Variants in PARD3 observed in about 807,000 individuals in gnomAD.
PARD3 encodes the protein par-3 family cell polarity regulator, also known as partitioning defective 3 homolog.
Under a neutral mutation model 155.4 loss-of-function variants are expected in PARD3, and 75 were observed. The ratio of observed to expected loss-of-function variants is 0.48; its 90% CI spans 0.40 to 0.58. PARD3 has a LOEUF of 0.58. PARD3 is among the 20% of genes least tolerant of loss of function. The pLI, the probability that PARD3 is intolerant of heterozygous loss-of-function variation, is 0.00. For missense variants in PARD3, 1,642 were observed against 1,721.7 expected, an observed-to-expected ratio of 0.95 and a Z score of 0.82; for synonymous variants, 576 against 610.5, an observed-to-expected ratio of 0.94 and a Z score of 0.83.
chr10:34,623,945 A>C lies in PARD3; in HGVS notation c.222+72373T>G, dbSNP rs190833376. On this transcript the variant is annotated intron_variant, in intron 2 of 24. Transcript: ENST00000374788. Reference sequence around the variant, plus strand: ...GCAGTGAGCTGAGATCTACCACTGCACTCCAGCCTGGGCCACAGAGCAAGA... The same window carrying C: ...GCAGTGAGCTGAGATCTACCACTGCCCTCCAGCCTGGGCCACAGAGCAAGA... Among the ~76,000 whole-genome samples the C allele has an allele frequency of 4.0e-5, 6 of 149,200 alleles. No homozygotes were observed. The East Asian group carries it at 1.2e-3, about 30-fold the overall frequency.
intron 12 of PARD3, among the ~76,000 whole-genome samples, chr10:34,363,629 AAACT>A (rs1271447463): frequency 5.9e-5 from 9 of 152,246 alleles, no homozygotes; most frequent in East Asian, 1.9e-4. Flanking sequence ...TGTAAAATAG[AAACT>A]AACTTTCTAT....
At chr10:34,496,532 G>C (rs1490521817) in intron 3 of PARD3, among the ~76,000 whole-genome samples, 1 of 152,154 alleles carries the variant, frequency 6.6e-6, no homozygotes, top group African/African-American at 2.4e-5. Flanking sequence ...TGAAATCGGA[G>C]TTATATTAAG....
chr10:34,269,822 C>T lies in PARD3; in HGVS notation c.3254G>A (p.Arg1085Gln), dbSNP rs201745976. ...RDYAEIQDFH[R>Q]TFGCDDELMY... ...TAACTCATCATCACAGCCAAATGTCCGATGAAAATCTTGAATTTCAGCATA... is the reference window on the plus strand; with the variant it reads ...TAACTCATCATCACAGCCAAATGTCTGATGAAAATCTTGAATTTCAGCATA... Residue 1085 changes from arginine to glutamine, a missense_variant, in exon 22 of 25, where the codon CGG (arginine) becomes CAG (glutamine). This residue lies in a region of PARD3 where 1,529 missense variants were observed against 1,587.3 expected (regional missense o/e 0.96). Coordinates refer to ENST00000374788, the MANE Select transcript of PARD3 (RefSeq NM_001184785.2). 14 of 1,613,836 alleles carry T rather than the reference C, an allele frequency of 8.7e-6. No homozygotes were observed. Among genetic ancestry groups the T allele is most frequent in the East Asian group, 6.7e-5 (3 of 44,840 alleles).
chr10:34,622,834 T>C (rs1310227884), intron 2 of PARD3, among the ~76,000 whole-genome samples: 2 of 147,508 alleles, frequency 1.4e-5, no homozygotes, highest in Non-Finnish European at 3.0e-5. Context: ...TTTCTTTTTT[T>C]TTTTTTTTTT....
chr10:34,782,220 G>A (rs11009931), intron 1 of PARD3, among the ~76,000 whole-genome samples: 5,642 of 152,252 alleles, frequency 0.037, 357 homozygotes, highest in African/African-American at 0.13. Flanking sequence ...CATGTAACCT[G>A]AACACATTGC....
At chr10:34,396,811 T>C (rs1312197145) in intron 7 of PARD3, among the ~76,000 whole-genome samples, 1 of 152,094 alleles carries the variant, frequency 6.6e-6, no homozygotes, top group Admixed American at 6.6e-5. Flanking sequence ...TCCTTCCTGC[T>C]ATACTACATT....
intron 2 of PARD3, among the ~76,000 whole-genome samples, chr10:34,643,844 C>A (rs1038310670): frequency 6.6e-6 from 1 of 152,122 alleles, no homozygotes; most frequent in East Asian, 1.9e-4. Context: ...TTGAGCCCAG[C>A]AGGTGGAGGC....
At chr10:34,325,312 C>T (rs1307039137) in intron 19 of PARD3, among the ~76,000 whole-genome samples, 2 of 152,070 alleles carry the variant, frequency 1.3e-5, no homozygotes, top group African/African-American at 2.4e-5. Flanking sequence ...AACCTCACTC[C>T]TCACTATGCT....
intron 22 of PARD3, among the ~76,000 whole-genome samples, chr10:34,216,234 G>C (rs750776698): frequency 1.2e-4 from 18 of 152,194 alleles, no homozygotes; most frequent in Non-Finnish European, 1.6e-4. Flanking sequence ...AATTGAGCAA[G>C]TGGGATATAC....
At chr10:34,543,251 TCA>T (rs2083783714) in intron 2 of PARD3, among the ~76,000 whole-genome samples, 1 of 152,016 alleles carries the variant, frequency 6.6e-6, no homozygotes, top group Non-Finnish European at 1.5e-5. Context: ...AGCCTGGGCG[TCA>T]GAGCAAAACC....
At chr10:34,334,956 CCTAA>C (rs1344909154) in intron 18 of PARD3, among the ~76,000 whole-genome samples, 1 of 151,790 alleles carries the variant, frequency 6.6e-6, no homozygotes, top group Non-Finnish European at 1.5e-5. Flanking sequence ...TCTTATTTTA[CCTAA>C]CTGACATTGT....
In PARD3 at chr10:34,131,427, A is replaced by G. The variant is rs749023468; in HGVS notation, c.3540+36T>C. The G allele has an allele frequency of 3.1e-6, 5 of 1,612,972 alleles. No homozygotes were observed. In the South Asian group the frequency reaches 4.4e-5, roughly 14 times the overall value. On this transcript the variant is annotated intron_variant, in intron 23 of 24. Coordinates refer to ENST00000374788, the MANE Select transcript of PARD3 (RefSeq NM_001184785.2). ...GTGGCCTTTGCTGCAGGGAAGTTGT[A>G]GGACCATTCACCGTGCTGAAGAACC...
chr10:34,665,498 C>A (rs1345748814), intron 2 of PARD3, among the ~76,000 whole-genome samples: 1 of 151,752 alleles, frequency 6.6e-6, no homozygotes, highest in African/African-American at 2.4e-5. Context: ...CCAGCCTGGG[C>A]AACAAGAGCA....
chr10:34,175,730 G>C (rs1227950585), intron 22 of PARD3, among the ~76,000 whole-genome samples: 1 of 152,160 alleles, frequency 6.6e-6, no homozygotes, highest in African/African-American at 2.4e-5. Flanking sequence ...AATACAAAGT[G>C]AATATTATAG....
chr10:34,470,144 T>C lies in PARD3; in HGVS notation c.523A>G (p.Thr175Ala). ...TTCTGCTTGAGGAAGCCAGCTGTTG[T>C]TGACCAGCGTGTGGGATTTTTCCTT... ...PSRKNPTRWS[T>A]TAGFLKQNTA... The change falls in exon 4 of 25, where the codon ACA becomes GCA. Residue 175 changes from threonine to alanine, a missense_variant. Physicochemically the swap from Thr to Ala is moderately conservative, Grantham distance 58 (BLOSUM62 0). Transcript: ENST00000374788. The C allele has an allele frequency of 6.2e-7, 1 of 1,613,542 alleles. No individual in the cohort carries two copies.
rs180799747 is a variant in PARD3 at position 34,372,255 on chromosome 10, G to T, written c.1707+243C>A. Among the ~76,000 whole-genome samples the T allele has an allele frequency of 3.9e-4, 60 of 152,172 alleles. No homozygotes were observed. In the East Asian group the frequency reaches 0.01, roughly 26 times the overall value. On this transcript the variant is annotated intron_variant, in intron 12 of 24. Coordinates refer to ENST00000374788, the MANE Select transcript of PARD3 (RefSeq NM_001184785.2). The stretch of plus-strand genomic sequence containing the variant: ...AAGCTTTGGTCCTCACTTTGCAAGT[G>T]AATAGGAAGTCTCTCTCTTTTTTGC...
chr10:34,347,911 A>T lies in PARD3; in HGVS notation c.2218+54T>A, dbSNP rs771795355. ...ATATTACACCAATAACCTCTCAGTA[A>T]ACCAATGAAAGCATCAAAATAAGAT... is the stretch of plus-strand genomic sequence containing the variant. On this transcript the variant is annotated intron_variant, in intron 15 of 24. Transcript: ENST00000374788. The T allele has an allele frequency of 1.4e-5, 21 of 1,469,300 alleles. No homozygotes were observed. In the East Asian group the frequency reaches 4.4e-4, roughly 31 times the overall value. 91.0% of individuals were successfully genotyped at this position (1,469,300 alleles called of 1,614,324 possible).
In PARD3 at chr10:34,382,674, G is replaced by C; in HGVS notation, c.1265C>G (p.Pro422Arg). The C allele has an allele frequency of 6.2e-7, 1 of 1,614,184 alleles. No individual in the cohort carries two copies. The highest frequency in any genetic ancestry group is 2.2e-5 in the East Asian group (1 of 44,878). Residue 422 changes from proline to arginine, a missense_variant, in exon 9 of 25, where the codon CCT becomes CGT. By Grantham distance (103) the Pro-to-Arg change is moderately radical (BLOSUM62 -2). Around this residue, in one of 3 missense-constraint regions of PARD3, gnomAD observed 1,529 missense variants for 1,587.3 expected, o/e 0.96. Transcript: ENST00000374788. ...PEQIDSHSRLPHSAHPSGKPP... is the reference protein window; with the variant it reads ...PEQIDSHSRLRHSAHPSGKPP... ...TTTTCCCGAGGGGTGTGCGCTATGA[G>C]GTAGTCTTGAGTGAGAGTCTATCTG...
At chr10:34,705,912 T>G (rs1479018850) in intron 1 of PARD3, among the ~76,000 whole-genome samples, 2 of 152,210 alleles carry the variant, frequency 1.3e-5, no homozygotes, top group Admixed American at 6.5e-5. Flanking sequence ...GCATTTAGTC[T>G]TATTAGAACT....
Sources: allele counts gnomAD v4.1 joint callset (sites outside exome capture counted in the v4.1 genomes callset), GRCh38; gene constraint gnomAD v4.1.1; regional missense constraint gnomAD v4.1.1; transcripts MANE v1.5; gene names NCBI Gene and HGNC (gene_info 2026-07-23, HGNC 2026-07-21).